Variants in CNTNAP2 observed in about 807,000 individuals in gnomAD.
CNTNAP2 encodes the protein contactin associated protein 2, also known as contactin-associated protein-like 2.
A neutral mutation model predicts 155.2 loss-of-function variants in CNTNAP2; 98 were observed. The observed-to-expected ratio is 0.63, with a 90% CI of 0.54 to 0.75. The LOEUF (loss-of-function observed/expected upper bound fraction) is 0.75. CNTNAP2 is among the 30% of genes least tolerant of loss of function. CNTNAP2 has a pLI of 0.00. For missense variants in CNTNAP2, 1,727 were observed against 1,688.1 expected (o/e 1.02, Z -0.40); for synonymous variants, 651 against 631.2 (o/e 1.03, Z -0.47).
intron 17 of CNTNAP2, 117 bp downstream of exon 17, chr7:148,147,826 T>C: frequency 1.9e-6 from 2 of 1,048,122 alleles, no homozygotes; most frequent in South Asian, 1.4e-5. Context: ...CTTCCAAAAG[T>C]AAAGGTGTTG....
chr7:148,189,466 C>A (rs1023268486), intron 18 of CNTNAP2, among the ~76,000 whole-genome samples: 2 of 152,114 alleles, frequency 1.3e-5, no homozygotes, highest in Non-Finnish European at 2.9e-5. Context: ...CCGACTCCTG[C>A]AATTACTGCC....
intron 1 of CNTNAP2, among the ~76,000 whole-genome samples, chr7:146,187,059 T>G (rs148158500): frequency 1.6e-3 from 244 of 152,326 alleles, no homozygotes; most frequent in African/African-American, 5.6e-3. Context: ...AGAAAAAGTC[T>G]TAGTTTAGTC....
intron 1 of CNTNAP2, among the ~76,000 whole-genome samples, chr7:146,588,680 A>T (rs1462438730): frequency 4.6e-5 from 7 of 151,982 alleles, no homozygotes; most frequent in East Asian, 1.9e-4. Flanking sequence ...GCTATTTTTT[A>T]AAAATGTTGG....
At chr7:147,585,082 C>T (rs1333142883) in intron 12 of CNTNAP2, among the ~76,000 whole-genome samples, 3 of 152,140 alleles carry the variant, frequency 2.0e-5, no homozygotes, top group Non-Finnish European at 4.4e-5. Flanking sequence ...TCCTATTTGA[C>T]AGAAACAGCT....
intron 1 of CNTNAP2, among the ~76,000 whole-genome samples, chr7:146,695,924 T>C (rs1800774574): frequency 6.6e-6 from 1 of 152,192 alleles, no homozygotes; most frequent in Admixed American, 6.5e-5. Context: ...ATTCTTTTTA[T>C]ACATTGGATT....
intron 1 of CNTNAP2, among the ~76,000 whole-genome samples, chr7:146,644,591 A>G (rs1386791000): frequency 6.6e-6 from 1 of 152,168 alleles, no homozygotes; most frequent in Admixed American, 6.5e-5. Flanking sequence ...ATCAATATTC[A>G]TCAAGGATAT....
intron 8 of CNTNAP2, among the ~76,000 whole-genome samples, chr7:147,231,889 T>C (rs1803688645): frequency 6.6e-6 from 1 of 152,236 alleles, no homozygotes; most frequent in Admixed American, 6.5e-5. Flanking sequence ...CTTTTTATTT[T>C]GTTAATTGAT....
At chr7:147,534,837 G>A (rs888177146) in intron 11 of CNTNAP2, among the ~76,000 whole-genome samples, 18 of 151,940 alleles carry the variant, frequency 1.2e-4, no homozygotes, top group Middle Eastern at 6.8e-3. Context: ...CTGACTTCTC[G>A]CCCTTACACT....
At chr7:148,117,220 A>G (rs7809196) in intron 15 of CNTNAP2, among the ~76,000 whole-genome samples, 1,941 of 152,298 alleles carry the variant, frequency 0.013, 41 homozygotes, top group African/African-American at 0.044. Flanking sequence ...ATCTTCTCCA[A>G]GAGCTCAAGG....
intron 21 of CNTNAP2, among the ~76,000 whole-genome samples, chr7:148,341,137 C>G (rs1244700962): frequency 6.6e-6 from 1 of 152,222 alleles, no homozygotes; most frequent in Non-Finnish European, 1.5e-5. Flanking sequence ...TACCACAGGT[C>G]TAACTTGGGA....
chr7:146,489,034 A>C (rs2129130710), intron 1 of CNTNAP2, among the ~76,000 whole-genome samples: 1 of 152,314 alleles, frequency 6.6e-6, no homozygotes, highest in Admixed American at 6.5e-5. Context: ...ACAGCAGAAA[A>C]GACTGAAGCC....
At chr7:147,886,475 CAAAAAAAA>C (rs532837902) in intron 13 of CNTNAP2, among the ~76,000 whole-genome samples, 3 of 39,736 alleles carry the variant, frequency 7.5e-5, no homozygotes, top group Admixed American at 4.6e-4. Context: ...AACTCCATCT[CAAAAAAAA>C]AAAAAAAAAA....
intron 15 of CNTNAP2, among the ~76,000 whole-genome samples, chr7:148,090,073 C>G (rs1424959976): frequency 6.6e-6 from 1 of 151,900 alleles, no homozygotes; most frequent in Non-Finnish European, 1.5e-5. Flanking sequence ...TGAAACTAGG[C>G]TCTCATTTTA....
chr7:146,964,406 A>C (rs1426563592), intron 3 of CNTNAP2, among the ~76,000 whole-genome samples: 2 of 152,222 alleles, frequency 1.3e-5, no homozygotes, highest in African/African-American at 4.8e-5. Context: ...CAGATGTCTT[A>C]ATAGAAGACA....
intron 1 of CNTNAP2, among the ~76,000 whole-genome samples, chr7:146,454,093 G>T (rs1796520992): frequency 6.6e-6 from 1 of 152,102 alleles, no homozygotes; most frequent in South Asian, 2.1e-4. Flanking sequence ...TAAAACTAAA[G>T]ATAAAGATAA....
rs1450734813 is a variant in CNTNAP2 at position 147,507,855 on chromosome 7, T to C, written c.1777+21814T>C. ...CGTGAGCCACCGCGCCTGGCCACTTTCTCTTTCTTATAGTGGTTTTTCTTT... is the reference window on the plus strand; with the variant it reads ...CGTGAGCCACCGCGCCTGGCCACTTCCTCTTTCTTATAGTGGTTTTTCTTT... On this transcript the variant is annotated intron_variant, in intron 11 of 23. Transcript: ENST00000361727. Among the ~76,000 whole-genome samples the C allele has an allele frequency of 2.0e-5, 3 of 152,156 alleles. No homozygotes were observed. In the East Asian group the frequency reaches 5.8e-4, roughly 30 times the overall value.
At chr7:147,792,311 A>T (rs1797832490) in intron 13 of CNTNAP2, among the ~76,000 whole-genome samples, 1 of 152,332 alleles carries the variant, frequency 6.6e-6, no homozygotes, top group East Asian at 1.9e-4. Context: ...AACCGAAAAG[A>T]AACCCCATAC....
chr7:147,867,506 T>C (rs887460677), intron 13 of CNTNAP2, among the ~76,000 whole-genome samples: 1 of 152,204 alleles, frequency 6.6e-6, no homozygotes, highest in African/African-American at 2.4e-5. Context: ...CCTTGCTAGG[T>C]TGGGGAAGTT....
intron 1 of CNTNAP2, among the ~76,000 whole-genome samples, chr7:146,633,851 A>AAAAAACAAAAAAAAAAC (rs1799553104): frequency 7.5e-6 from 1 of 132,874 alleles, no homozygotes; most frequent in African/African-American, 2.7e-5. Context: ...AAAAAAAAAA[A>AAAAAACAAAAAAAAAAC]AAAAACAGAA....
Sources: allele counts gnomAD v4.1 joint callset (sites outside exome capture counted in the v4.1 genomes callset), GRCh38; gene constraint gnomAD v4.1.1; transcripts MANE v1.5; gene names NCBI Gene and HGNC (gene_info 2026-07-23, HGNC 2026-07-21).